Variants in CPVL observed in about 807,000 individuals in gnomAD.
The protein encoded by CPVL is probable serine carboxypeptidase CPVL.
In CPVL, 51 loss-of-function variants were observed where a neutral mutation model predicts 63.7. That is an observed-to-expected ratio of 0.80 (90% CI 0.64 to 1.01). The LOEUF (loss-of-function observed/expected upper bound fraction) is 1.01, where lower values mean the gene tolerates loss of function less well. CPVL is among the 50% of genes least tolerant of loss of function. The pLI is 0.00. For synonymous variants in CPVL, 195 were observed against 206.0 expected (o/e 0.95, Z 0.46); for missense variants, 530 against 573.1 (o/e 0.92, Z 0.77).
At position 29,086,523 on chromosome 7, in the gene CPVL, A is replaced by G. The variant is rs758302864; in HGVS notation, c.570T>C (p.Phe190=). The G allele has an allele frequency of 6.2e-7, 1 of 1,611,808 alleles. No homozygotes were observed. The highest frequency in any genetic ancestry group is 8.5e-7 in the Non-Finnish European group (1 of 1,178,026). ...AAAAGTCATTATTTTTATATTCAGG[A>G]AATATCTGGAAAAACTGAATTAGTG... ...YSALIQFFQI[F]PEYKNNDFYV... is the part of the protein sequence containing the mutation. The change falls in exon 7 of 13, where the codon TTT becomes TTC. Residue 190 remains phenylalanine (F), a synonymous_variant. Coordinates refer to ENST00000265394, the MANE Select transcript of CPVL (RefSeq NM_031311.5).
At chr7:29,048,968 C>T (rs532044944) in intron 11 of CPVL, among the ~76,000 whole-genome samples, 8 of 151,722 alleles carry the variant, frequency 5.3e-5, no homozygotes, top group South Asian at 4.2e-4. Context: ...TCAAGCTGAA[C>T]GACAATAATG....
chr7:29,128,668 T>C (rs1179415858), intron 1 of CPVL, among the ~76,000 whole-genome samples: 4 of 148,060 alleles, frequency 2.7e-5, no homozygotes, highest in East Asian at 4.0e-4. Flanking sequence ...TGAGCTGAGA[T>C]TGCACCACTG....
intron 6 of CPVL, among the ~76,000 whole-genome samples, chr7:29,088,304 T>C (rs533339295): frequency 3.9e-5 from 6 of 152,308 alleles, no homozygotes; most frequent in African/African-American, 1.4e-4. Flanking sequence ...CAAATTTAAC[T>C]GGGTATTTTG....
intron 11 of CPVL, among the ~76,000 whole-genome samples, chr7:29,051,513 G>A (rs1460193166): frequency 6.6e-6 from 1 of 152,110 alleles, no homozygotes; most frequent in African/African-American, 2.4e-5. Context: ...CATCACTAAT[G>A]ATTATGGAAA....
At chr7:29,046,685 A>C (rs956566308) in intron 11 of CPVL, among the ~76,000 whole-genome samples, 2 of 152,164 alleles carry the variant, frequency 1.3e-5, no homozygotes, top group African/African-American at 4.8e-5. Flanking sequence ...GGGGGTTGAA[A>C]ACATTTTCAG....
At chr7:29,194,243 A>C (rs1783289063) in intron 1 of CPVL, 1 of 139,282 alleles carries the variant, frequency 7.2e-6, no homozygotes, top group Non-Finnish European at 1.5e-5. Flanking sequence ...TGCGCGCAGC[A>C]GCCGCGCTCG....
intron 11 of CPVL, among the ~76,000 whole-genome samples, chr7:29,062,778 GTA>G (rs1782756498): frequency 6.6e-6 from 1 of 152,214 alleles, no homozygotes. Flanking sequence ...AACTAAGGCA[GTA>G]TATCAGGACA....
In CPVL at chr7:29,112,732, T is replaced by C. The variant is rs769831040; in HGVS notation, c.260A>G (p.Asn87Ser). Residue 87 changes from asparagine (N) to serine (S), a missense_variant, in exon 3 of 13, where the codon AAC becomes AGC. Transcript: ENST00000265394. ...FLTVNKTYNS[N>S]LFFWFFPAQI... ...AGCTGGGAAGAACCAGAAGAAGAGG[T>C]TGCTGTTGTAAGTCTTATTCACGGT... The C allele has an allele frequency of 3.7e-5, 60 of 1,612,826 alleles. No individual in the cohort carries two copies. The highest frequency in any genetic ancestry group is 4.4e-5 in the Non-Finnish European group (52 of 1,179,458).
chr7:29,029,374 C>T (rs1787800256), intron 12 of CPVL, among the ~76,000 whole-genome samples: 1 of 152,092 alleles, frequency 6.6e-6, no homozygotes, highest in South Asian at 2.1e-4. Context: ...TAGTACTATT[C>T]ACAATAGCCA....
chr7:29,155,940 G>A (rs1012989153), intron 5 of CPVL, among the ~76,000 whole-genome samples: 2 of 152,164 alleles, frequency 1.3e-5, no homozygotes, highest in East Asian at 1.9e-4. Context: ...ATCTAGAGAC[G>A]GCCACGTGCT....
chr7:29,018,378 CTT>C (rs70977092), intron 12 of CPVL, among the ~76,000 whole-genome samples: 18 of 123,952 alleles, frequency 1.5e-4, no homozygotes, highest in Admixed American at 1.7e-4. Context: ...AATTTTTAAT[CTT>C]TTTTTTTTTT....
In CPVL at chr7:29,160,342, T is replaced by A. The variant is rs75441410; in HGVS notation, c.-11+20948A>T. Reference sequence around the variant, plus strand: ...ATTCCCTGATGTTCTCCCATCAATTTTCCTGTTCCTGTATGTGGCTGACAA... The same window carrying A: ...ATTCCCTGATGTTCTCCCATCAATTATCCTGTTCCTGTATGTGGCTGACAA... On this transcript the variant is annotated intron_variant, in intron 5 of 16. Transcript: ENST00000409850. Among the ~76,000 whole-genome samples the A allele has an allele frequency of 5.3e-5, 8 of 152,316 alleles. No individual in the cohort carries two copies. The East Asian group carries it at 1.5e-3, about 29-fold the overall frequency.
At chr7:29,099,252 A>ACACAATCTAC (rs1554339186) in intron 3 of CPVL, among the ~76,000 whole-genome samples, 2 of 151,626 alleles carry the variant, frequency 1.3e-5, no homozygotes, top group African/African-American at 4.9e-5. Context: ...GATGGCTTGA[A>ACACAATCTAC]CACAATCTAT....
At chr7:29,141,270 G>C (rs1791843060) in intron 1 of CPVL, among the ~76,000 whole-genome samples, 1 of 152,238 alleles carries the variant, frequency 6.6e-6, no homozygotes, top group South Asian at 2.1e-4. Context: ...TATGCCCTCA[G>C]ACCGGGCACG....
chr7:29,096,411 G>A (rs1786405770), intron 3 of CPVL, 194 bp from the exon 4 acceptor site: 2 of 590,462 alleles, frequency 3.4e-6, no homozygotes, highest in Admixed American at 2.9e-5. Context: ...GAATGAGGCT[G>A]TGCCTCATAT....
intron 2 of CPVL, among the ~76,000 whole-genome samples, chr7:29,116,008 G>A (rs1788744290): frequency 6.6e-6 from 1 of 152,194 alleles, no homozygotes; most frequent in Admixed American, 6.5e-5. Flanking sequence ...AGGTTGGAAA[G>A]TGGGGAATTT....
At chr7:29,045,269 C>A (rs1179441508) in intron 11 of CPVL, among the ~76,000 whole-genome samples, 1 of 151,862 alleles carries the variant, frequency 6.6e-6, no homozygotes, top group Admixed American at 6.6e-5. Flanking sequence ...GCTTAAAAAT[C>A]AAAAAAGCCC....
rs139456905 is a variant in CPVL, at chr7:29,070,698, C to T, written c.864+1075G>A. On this transcript the variant is annotated intron_variant, in intron 9 of 12. Coordinates refer to ENST00000265394, the MANE Select transcript of CPVL (RefSeq NM_031311.5). ...AGCTCTGTAGGATGGCTCAGGACTC[C>T]CTTTGCTCCATCCATTTGCACAGCT... 3.7e-3 allele frequency among the ~76,000 whole-genome samples: 561 copies of T among 152,254 alleles called. 2 individuals are homozygous for T. The highest frequency in any genetic ancestry group is 6.8e-3 in the Middle Eastern group (2 of 294).
At chr7:29,054,128 A>G (rs1790478582) in intron 11 of CPVL, among the ~76,000 whole-genome samples, 2 of 152,140 alleles carry the variant, frequency 1.3e-5, no homozygotes, top group Admixed American at 6.5e-5. Flanking sequence ...TACCCTTTAC[A>G]TAGCCTTAAC....
Sources: allele counts gnomAD v4.1 joint callset (sites outside exome capture counted in the v4.1 genomes callset), GRCh38; gene constraint gnomAD v4.1.1; transcripts MANE v1.5; gene names NCBI Gene and HGNC (gene_info 2026-07-23, HGNC 2026-07-21).